The following DNAJB8 variants were observed in gnomAD, a reference collection of about 807,000 sequenced individuals.
The protein encoded by DNAJB8 is DnaJ heat shock protein family (Hsp40) member B8, also known as dnaJ homolog subfamily B member 8.
For synonymous variants in DNAJB8, 127 were observed against 127.1 expected, an observed-to-expected ratio of 1.00 and a Z score of 0.00; for missense variants, 354 against 318.9, an observed-to-expected ratio of 1.11 and a Z score of -0.84.
At position 128,462,841 on chromosome 3, in the gene DNAJB8, C is replaced by G. The variant is rs148940950; in HGVS notation, c.405G>C (p.Ser135=). The G allele has an allele frequency of 8.1e-6, 13 of 1,613,994 alleles. No homozygotes were observed. The highest frequency in any genetic ancestry group is 1.1e-5 in the South Asian group (1 of 91,082). ...GRGHGLRGAF[S]AGFGEFPAFM... is the part of the protein sequence containing the mutation. ...AGGCCGGAAATTCTCCAAAGCCTGCCGAGAAGGCCCCCCTCAGGCCATGGC... is the reference window on the plus strand; with the variant it reads ...AGGCCGGAAATTCTCCAAAGCCTGCGGAGAAGGCCCCCCTCAGGCCATGGC... Residue 135 remains serine, a synonymous_variant, in exon 3 of 3, where the codon TCG becomes TCC. Transcript: ENST00000319153.
At chr3:128,464,799 C>T (rs543836459) in intron 2 of DNAJB8, among the ~76,000 whole-genome samples, 13 of 107,406 alleles carry the variant, frequency 1.2e-4, no homozygotes, top group Non-Finnish European at 2.4e-4. Context: ...TTCCCTCCTT[C>T]TTTCCCTTCC....
rs749639687 is a variant in DNAJB8 at position 128,462,588 on chromosome 3, C to T, written c.658G>A (p.Val220Met). ...EEDGQLKSVT[V>M]NGKEQLKWMD... ...CATTTGAGCTGCTCCTTGCCGTTCA[C>T]AGTCACCGACTTGAGCTGCCCGTCT... Residue 220 changes from valine (V) to methionine (M), a missense_variant, in exon 3 of 3, where the codon GTG becomes ATG. Val to Met is a conservative substitution (Grantham distance 21, BLOSUM62 1). Coordinates refer to ENST00000319153, the MANE Select transcript of DNAJB8 (RefSeq NM_153330.6). 1.9e-5 allele frequency: 31 copies of T among 1,612,768 alleles called. No individual in the cohort carries two copies. The highest frequency in any genetic ancestry group is 2.5e-5 in the Non-Finnish European group (29 of 1,179,100).
In DNAJB8 at chr3:128,462,849, C is replaced by T. The variant is rs143657415; in HGVS notation, c.397G>A (p.Ala133Thr). Residue 133 changes from alanine to threonine, a missense_variant, in exon 3 of 3, where the codon GCC becomes ACC. Coordinates refer to ENST00000319153, the MANE Select transcript of DNAJB8 (RefSeq NM_153330.6). ...AATTCTCCAAAGCCTGCCGAGAAGG[C>T]CCCCCTCAGGCCATGGCCCCGGCCA... is the stretch of plus-strand genomic sequence containing the variant. ...RGGRGHGLRG[A>T]FSAGFGEFPA... The T allele has an allele frequency of 3.2e-5, 52 of 1,614,146 alleles. No individual in the cohort carries two copies. In the African/African-American group the frequency reaches 6.1e-4, roughly 19 times the overall value.
rs750106945 is a variant in DNAJB8 at position 128,462,507 on chromosome 3, CGGT to C, written c.*37_*39del. On this transcript the variant is annotated 3_prime_UTR_variant, in exon 3 of 3. Transcript: ENST00000319153. ...CCCCACGTGTTTGCTGCCCCATGCA[CGGT>C]GGTGGTGGTGGGAAGGCAGGGCCGG... 2.7e-5 allele frequency: 42 copies of C among 1,565,566 alleles called. No individual in the cohort carries two copies. The highest frequency in any genetic ancestry group is 7.2e-5 in the South Asian group (6 of 83,366).
In DNAJB8 at chr3:128,462,687, C is replaced by T. The variant is rs776594226; in HGVS notation, c.559G>A (p.Glu187Lys). 9.3e-6 allele frequency: 15 copies of T among 1,614,020 alleles called. No individual in the cohort carries two copies. Among genetic ancestry groups the T allele is most frequent in the Middle Eastern group, 1.6e-4 (1 of 6,062 alleles). The change falls in exon 3 of 3, where the codon GAG (glutamate) becomes AAG (lysine). Residue 187 changes from glutamate (E) to lysine (K), a missense_variant. Physicochemically the swap from Glu to Lys is moderately conservative, Grantham distance 56. Coordinates refer to ENST00000319153, the MANE Select transcript of DNAJB8 (RefSeq NM_153330.6). ...GTGACCTTGTGGCCATTGATCATCT[C>T]GGTGGACGACATCACCGACTTGAAC... The part of the protein sequence containing the change: ...SGFKSVMSST[E>K]MINGHKVTTK...
chr3:128,463,528 T>G lies in DNAJB8; in HGVS notation c.-283A>C. 1 of 314,970 alleles carries G rather than the reference T, an allele frequency of 3.2e-6. No individual in the cohort carries two copies. The highest frequency in any genetic ancestry group is 6.2e-6 in the Non-Finnish European group (1 of 162,318). The allele number at this position is 314,970 out of a possible 1,614,324, so 19.5% of individuals were successfully genotyped here. ...AGTGGGCTGCCCTCCAGAGCTCCTTTTATGACGTCAGCTCCCGGGGCGGGG... is the reference window on the plus strand; with the variant it reads ...AGTGGGCTGCCCTCCAGAGCTCCTTGTATGACGTCAGCTCCCGGGGCGGGG... On this transcript the variant is annotated 5_prime_UTR_variant, in exon 3 of 3. Coordinates refer to ENST00000319153, the MANE Select transcript of DNAJB8 (RefSeq NM_153330.6).
chr3:128,463,299 G>T lies in DNAJB8; in HGVS notation c.-54C>A. The T allele has an allele frequency of 6.7e-7, 1 of 1,503,594 alleles. No individual in the cohort carries two copies. Among genetic ancestry groups the T allele is most frequent in the Non-Finnish European group, 9.1e-7 (1 of 1,103,736 alleles). 93.1% of individuals were successfully genotyped at this position (1,503,594 alleles called of 1,614,324 possible). A position where few individuals can be genotyped will look rare whatever the true frequency, so the allele number is the denominator to read the frequency against. ...AACGTGGAGGCCAGGTGGGCGCAGG[G>T]GCCCAGCTGGTCAGATGGACGGGGG... On this transcript the variant is annotated 5_prime_UTR_variant, in exon 3 of 3. Transcript: ENST00000319153.
rs2068474954 is a variant in DNAJB8 at position 128,462,693 on chromosome 3, ACGACATCAC to A, written c.544_552del (p.Val182_Ser184del). On this transcript the variant is annotated inframe_deletion, in exon 3 of 3. Coordinates refer to ENST00000319153, the MANE Select transcript of DNAJB8 (RefSeq NM_153330.6). ...TTGTGGCCATTGATCATCTCGGTGGACGACATCACCGACTTGAACCCCGAGCTGCCAGAA... is the reference window on the plus strand; with the variant it reads ...TTGTGGCCATTGATCATCTCGGTGGACGACTTGAACCCCGAGCTGCCAGAA... The A allele has an allele frequency of 3.8e-6, 6 of 1,558,952 alleles. No individual in the cohort carries two copies. The highest frequency in any genetic ancestry group is 4.3e-6 in the Non-Finnish European group (5 of 1,151,648).
At position 128,466,756 on chromosome 3, in the gene DNAJB8, G is replaced by A. The variant is rs941479188; in HGVS notation, c.-1169C>T. ...AGGCCGTTGCAGGCAGGTGACAATG[G>A]TGAGCTTTGCAACAGCTCGGGGCAA... is the stretch of plus-strand genomic sequence containing the variant. On this transcript the variant is annotated 5_prime_UTR_variant, in exon 1 of 3. Coordinates refer to ENST00000319153, the MANE Select transcript of DNAJB8 (RefSeq NM_153330.6). The A allele has an allele frequency of 9.8e-5, 15 of 152,302 alleles. No individual in the cohort carries two copies. Among genetic ancestry groups the A allele is most frequent in the Middle Eastern group, 6.8e-3 (2 of 294 alleles). The allele number at this position is 152,302 out of a possible 1,614,324, so 9.4% of individuals were successfully genotyped here.
At position 128,463,292 on chromosome 3, in the gene DNAJB8, G is replaced by A; in HGVS notation, c.-47C>T. The A allele has an allele frequency of 4.5e-6, 7 of 1,543,654 alleles. No homozygotes were observed. The highest frequency in any genetic ancestry group is 5.3e-6 in the Non-Finnish European group (6 of 1,135,866). On this transcript the variant is annotated 5_prime_UTR_variant, in exon 3 of 3. Coordinates refer to ENST00000319153, the MANE Select transcript of DNAJB8 (RefSeq NM_153330.6). ...GAGAGGGAACGTGGAGGCCAGGTGG[G>A]CGCAGGGGCCCAGCTGGTCAGATGG...
Position 128,463,035 on chromosome 3 carries a change from C to A in DNAJB8, c.211G>T (p.Asp71Tyr). ...GCCCCGCCACCAGCCCGCCAGCTGT[C>A]ACAGCCAGCACGGTCATACAGGGAG... ...KRSLYDRAGCDSWRAGGGAST... is the reference protein window; with the variant it reads ...KRSLYDRAGCYSWRAGGGAST... Residue 71 changes from aspartate (D) to tyrosine (Y), a missense_variant, in exon 3 of 3, where the codon GAC becomes TAC. By Grantham distance (160) the Asp-to-Tyr change is radical (BLOSUM62 -3). Transcript: ENST00000319153. 1 of 1,614,220 alleles carries A rather than the reference C, an allele frequency of 6.2e-7. No homozygotes were observed. The highest frequency in any genetic ancestry group is 1.1e-5 in the South Asian group (1 of 91,088).
In DNAJB8 at chr3:128,463,094, T is replaced by A; in HGVS notation, c.152A>T (p.Glu51Val). The part of the protein sequence containing the change: ...EAEKKFKLVS[E>V]AYEVLSDSKK... The stretch of plus-strand genomic sequence containing the variant: ...GGAGTCAGACAGAACCTCATAGGCC[T>A]CAGACACCAGCTTGAACTTCTTCTC... The change falls in exon 3 of 3, where the codon GAG becomes GTG. Residue 51 changes from glutamate to valine, a missense_variant. Physicochemically the swap from Glu to Val is moderately radical, Grantham distance 121 (BLOSUM62 -2). Coordinates refer to ENST00000319153, the MANE Select transcript of DNAJB8 (RefSeq NM_153330.6). The A allele has an allele frequency of 6.2e-7, 1 of 1,614,230 alleles. No homozygotes were observed. The highest frequency in any genetic ancestry group is 1.7e-5 in the Admixed American group (1 of 60,030).
Position 128,463,271 on chromosome 3 carries a change from G to T in DNAJB8, c.-26C>A. 1.3e-6 allele frequency: 2 copies of T among 1,585,910 alleles called. No individual in the cohort carries two copies. Among genetic ancestry groups the T allele is most frequent in the South Asian group, 1.2e-5 (1 of 86,592 alleles). ...GGCCAGGGGTGTGGGTGAGAGGAGA[G>T]GGAACGTGGAGGCCAGGTGGGCGCA... On this transcript the variant is annotated 5_prime_UTR_variant, in exon 3 of 3. Transcript: ENST00000319153.
At chr3:128,464,655 A>G (rs888928492) in intron 2 of DNAJB8, among the ~76,000 whole-genome samples, 1 of 152,138 alleles carries the variant, frequency 6.6e-6, no homozygotes, top group Non-Finnish European at 1.5e-5. Context: ...ACCCCACTCC[A>G]ATTAAGATCA....
In DNAJB8 at chr3:128,462,969, A is replaced by C; in HGVS notation, c.277T>G (p.Phe93Val). Residue 93 changes from phenylalanine to valine, a missense_variant, in exon 3 of 3, where the codon TTC becomes GTC. Physicochemically the swap from Phe to Val is conservative, Grantham distance 50. Transcript: ENST00000319153. ...CGGAAGATGTCCTCAGGGTTACGGAAGGTGTAGCCGGTGTCGAAGGGGCTG... is the reference window on the plus strand; with the variant it reads ...CGGAAGATGTCCTCAGGGTTACGGACGGTGTAGCCGGTGTCGAAGGGGCTG... ...YHSPFDTGYT[F>V]RNPEDIFREF... 6.2e-7 allele frequency: 1 copy of C among 1,614,086 alleles called. No homozygotes were observed. The highest frequency in any genetic ancestry group is 2.2e-5 in the East Asian group (1 of 44,870).
In DNAJB8 at chr3:128,463,805, GGGC is replaced by G. The variant is rs2068489549; in HGVS notation, c.-563_-561del. Reference sequence around the variant, plus strand: ...GGGTATGTCCACTCGGCCGATGGCTGGGCAGCAGCTGAGGCAAGAGGAGGCCAA... The same window carrying G: ...GGGTATGTCCACTCGGCCGATGGCTGAGCAGCTGAGGCAAGAGGAGGCCAA... On this transcript the variant is annotated 5_prime_UTR_variant, in exon 3 of 3. Transcript: ENST00000319153. The G allele has an allele frequency of 6.0e-6, 1 of 167,696 alleles. No individual in the cohort carries two copies. The highest frequency in any genetic ancestry group is 1.5e-5 in the Non-Finnish European group (1 of 68,580). 10.4% of individuals were successfully genotyped at this position (167,696 alleles called of 1,614,324 possible).
At position 128,465,409 on chromosome 3, in the gene DNAJB8, G is replaced by A. The variant is rs1215977564; in HGVS notation, c.-999C>T. The A allele has an allele frequency of 2.0e-5, 3 of 152,352 alleles. No homozygotes were observed. Among genetic ancestry groups the A allele is most frequent in the Non-Finnish European group, 4.4e-5 (3 of 68,086 alleles). 9.4% of individuals were successfully genotyped at this position (152,352 alleles called of 1,614,324 possible). On this transcript the variant is annotated 5_prime_UTR_variant, in exon 2 of 3. Coordinates refer to ENST00000319153, the MANE Select transcript of DNAJB8 (RefSeq NM_153330.6). ...GTCACTATGTCTCGGTTAGCAGTTA[G>A]CACCTGCTGTCCCTTGCAGGCTTGT...
At chr3:128,464,800 TTTCCC>T (rs61384570) in intron 2 of DNAJB8, among the ~76,000 whole-genome samples, 64,614 of 127,928 alleles carry the variant, frequency 0.51, 16,133 homozygotes, top group Non-Finnish European at 0.58. Flanking sequence ...TCCCTCCTTC[TTTCCC>T]TTCCCTTCCC....
Position 128,462,712 on chromosome 3 carries a change from C to T in DNAJB8, c.534G>A (p.Gly178=). 5 of 1,614,000 alleles carry T rather than the reference C, an allele frequency of 3.1e-6. No homozygotes were observed. Among genetic ancestry groups the T allele is most frequent in the Non-Finnish European group, 4.2e-6 (5 of 1,180,012 alleles). Residue 178 remains glycine, a synonymous_variant, in exon 3 of 3, where the codon GGG becomes GGA. Transcript: ENST00000319153. ...CGGTGGACGACATCACCGACTTGAA[C>T]CCCGAGCTGCCAGAACTGGAGCCCC... ...SFGGSSSGSS[G]FKSVMSSTEM...
Sources: gnomAD v4.1 joint callset for allele counts (sites outside exome capture counted in the v4.1 genomes callset) on GRCh38, gnomAD v4.1.1 for gene constraint, MANE v1.5 for transcripts, NCBI Gene and HGNC (gene_info 2026-07-23, HGNC 2026-07-21) for gene names.